The following RNF130 variants were observed in gnomAD, a reference collection of about 807,000 sequenced individuals.
RNF130 encodes the protein E3 ubiquitin-protein ligase RNF130.
RNF130 carries 21 observed loss-of-function variants against 44.6 expected under a neutral mutation model. The observed-to-expected ratio is 0.47, with a 90% confidence interval of 0.33 to 0.68. RNF130 has a LOEUF of 0.68. Ranked by LOEUF, RNF130 falls within the 30% of genes least tolerant of loss-of-function variation. The pLI is 0.02. For synonymous variants in RNF130, 214 were observed against 210.4 expected, an observed-to-expected ratio of 1.02 and a Z score of -0.15; for missense variants, 479 against 560.6, an observed-to-expected ratio of 0.85 and a Z score of 1.47.
intron 3 of RNF130, among the ~76,000 whole-genome samples, chr5:179,987,229 G>A (rs1286985607): frequency 6.6e-6 from 1 of 151,850 alleles, no homozygotes; most frequent in African/African-American, 2.4e-5. Context: ...GTGTAGTGGT[G>A]TGATCATGGC....
intron 3 of RNF130, 194 bp from the exon 4 acceptor site, chr5:179,980,394 G>T (rs1349829351): frequency 3.6e-6 from 2 of 549,900 alleles, no homozygotes; most frequent in Non-Finnish European, 6.5e-6. Context: ...AGTAAAAAGT[G>T]TTAGAACACC....
At chr5:179,938,250 G>C (rs954705042) in intron 7 of RNF130, among the ~76,000 whole-genome samples, 3 of 152,062 alleles carry the variant, frequency 2.0e-5, no homozygotes, top group African/African-American at 7.3e-5. Flanking sequence ...GAGTCACCGC[G>C]CCCAACCCTT....
chr5:179,937,933 T>TGTGTGTGTGTGTGAGA (rs1268947878), intron 7 of RNF130, among the ~76,000 whole-genome samples: 1 of 116,294 alleles, frequency 8.6e-6, no homozygotes, highest in East Asian at 2.5e-4. Flanking sequence ...TGTGTGTGTG[T>TGTGTGTGTGTGTGAGA]GAGAGAGAGA....
intron 5 of RNF130, among the ~76,000 whole-genome samples, chr5:179,972,293 C>T (rs2113709241): frequency 6.6e-6 from 1 of 152,312 alleles, no homozygotes; most frequent in East Asian, 1.9e-4. Context: ...CAGAACCTCC[C>T]TCTGAAAAGT....
intron 1 of RNF130, among the ~76,000 whole-genome samples, chr5:180,066,661 C>T (rs1325183897): frequency 6.6e-6 from 1 of 151,920 alleles, no homozygotes; most frequent in Non-Finnish European, 1.5e-5. Context: ...CATGGAGAAA[C>T]CCCATCTCTA....
downstream of RNF130, among the ~76,000 whole-genome samples, chr5:179,953,332 A>C (rs1417704944): frequency 6.6e-6 from 1 of 151,758 alleles, no homozygotes; most frequent in Non-Finnish European, 1.5e-5. Context: ...AGAGATTGAG[A>C]AGTTGATTCT....
At chr5:180,031,959 A>G (rs776094272) in intron 2 of RNF130, among the ~76,000 whole-genome samples, 10 of 152,218 alleles carry the variant, frequency 6.6e-5, no homozygotes, top group Non-Finnish European at 1.2e-4. Context: ...AGGATGTGAA[A>G]TAGTATTGTT....
In RNF130 at chr5:180,013,751, C is replaced by T. The variant is rs369979831; in HGVS notation, c.443-440G>A. Reference sequence around the variant, plus strand: ...ATTCCTTAAGAAATGGAGTAAAGTGCTGTTTTTATAGCATAAATTGGTACT... The same window carrying T: ...ATTCCTTAAGAAATGGAGTAAAGTGTTGTTTTTATAGCATAAATTGGTACT... On this transcript the variant is annotated intron_variant, in intron 2 of 8. Transcript: ENST00000521389. Among the ~76,000 whole-genome samples, 10 of 152,276 alleles carry T rather than the reference C, an allele frequency of 6.6e-5. No homozygotes were observed. In the East Asian group the frequency reaches 1.4e-3, roughly 21 times the overall value.
At chr5:180,001,147 TA>T (rs1763323569) in intron 3 of RNF130, among the ~76,000 whole-genome samples, 1 of 152,196 alleles carries the variant, frequency 6.6e-6, no homozygotes, top group African/African-American at 2.4e-5. Context: ...ACATCAGCAA[TA>T]ACCATGGGTG....
At chr5:180,055,248 C>CAA (rs1205914690) in intron 1 of RNF130, among the ~76,000 whole-genome samples, 315 of 20,838 alleles carry the variant, frequency 0.015, 12 homozygotes, top group East Asian at 0.034. Context: ...GGTTCTGTCT[C>CAA]AAAAAAAAAA....
intron 1 of RNF130, among the ~76,000 whole-genome samples, chr5:180,045,559 C>A (rs1319967758): frequency 6.6e-6 from 1 of 152,100 alleles, no homozygotes; most frequent in African/African-American, 2.4e-5. Context: ...GCTCGGGCAG[C>A]CTGCTTTTAT....
chr5:179,954,009 C>A (rs748935885), downstream of RNF130, among the ~76,000 whole-genome samples: 1 of 152,184 alleles, frequency 6.6e-6, no homozygotes, highest in Non-Finnish European at 1.5e-5. Context: ...TTTGCATCTT[C>A]AGTCACTAGG....
intron 3 of RNF130, among the ~76,000 whole-genome samples, chr5:179,992,269 G>C (rs1763101520): frequency 6.6e-6 from 1 of 152,140 alleles, no homozygotes; most frequent in Admixed American, 6.5e-5. Context: ...AGCCTCCCGA[G>C]TAGCTGGGAC....
intron 1 of RNF130, among the ~76,000 whole-genome samples, chr5:180,055,530 CTAAA>C (rs779526346): frequency 4.6e-5 from 7 of 151,788 alleles, no homozygotes; most frequent in African/African-American, 1.2e-4. Flanking sequence ...ACCAGTTGTC[CTAAA>C]TAAAGAGAGG....
At chr5:179,982,689 CCAGCTT>C (rs1192505501) in intron 3 of RNF130, among the ~76,000 whole-genome samples, 1 of 152,178 alleles carries the variant, frequency 6.6e-6, no homozygotes, top group African/African-American at 2.4e-5. Context: ...AAGTGATTCT[CCAGCTT>C]CAGCCTCTGG....
intron 3 of RNF130, among the ~76,000 whole-genome samples, chr5:180,005,022 T>G (rs1347171192): frequency 2.0e-5 from 3 of 152,194 alleles, no homozygotes; most frequent in Non-Finnish European, 4.4e-5. Flanking sequence ...CTACATAACC[T>G]TATTTTATTA....
At chr5:179,964,051 CG>C (rs1429009008) in intron 7 of RNF130, 1 of 155,820 alleles carries the variant, frequency 6.4e-6, no homozygotes, top group African/African-American at 2.4e-5. Context: ...GTCTGCGAGC[CG>C]GCCTCCCATG....
chr5:179,945,934 T>A (rs897788297), intron 7 of RNF130, among the ~76,000 whole-genome samples: 2 of 51,976 alleles, frequency 3.8e-5, no homozygotes, highest in African/African-American at 1.5e-4. Flanking sequence ...GATATTTAAA[T>A]GGGGGCGGGG....
rs1247688235 is a variant in RNF130 at position 179,955,387 on chromosome 5, T to C, written c.*267A>G. On this transcript the variant is annotated 3_prime_UTR_variant, in exon 9 of 9. Transcript: ENST00000521389. The stretch of plus-strand genomic sequence containing the variant: ...TCACGGGAGCCAGGAGCACATTCTG[T>C]CTCTGAAACACAAACAAATGCAATC... 2.6e-6 allele frequency: 1 copy of C among 388,850 alleles called. No homozygotes were observed. The highest frequency in any genetic ancestry group is 4.6e-6 in the Non-Finnish European group (1 of 215,096). 24.1% of individuals were successfully genotyped at this position (388,850 alleles called of 1,614,324 possible). A position where few individuals can be genotyped will look rare whatever the true frequency, so the allele number is the denominator to read the frequency against.
Sources: gnomAD v4.1 joint callset for allele counts (sites outside exome capture counted in the v4.1 genomes callset) on GRCh38, gnomAD v4.1.1 for gene constraint, MANE v1.5 for transcripts, NCBI Gene and HGNC (gene_info 2026-07-23, HGNC 2026-07-21) for gene names.